Variants in LPGAT1 observed in about 807,000 individuals in gnomAD.
The protein encoded by LPGAT1 is lysophosphatidylglycerol acyltransferase 1.
Under a neutral mutation model 47.5 loss-of-function variants are expected in LPGAT1, and 11 were observed. That is an observed-to-expected ratio of 0.23 (90% CI 0.15 to 0.38). The LOEUF (loss-of-function observed/expected upper bound fraction) is 0.38, where lower values mean the gene tolerates loss of function less well. Among genes scored for constraint, LPGAT1 ranks in the 10% least tolerant of loss-of-function variants. LPGAT1 has a pLI of 1.00. For missense variants in LPGAT1, 293 were observed against 439.0 expected (o/e 0.67, Z 2.97); for synonymous variants, 138 against 144.2 (o/e 0.96, Z 0.31).
chr1:211,829,829 C>A, intron 1 of LPGAT1: 1 of 985,604 alleles, frequency 1.0e-6, no homozygotes, highest in Non-Finnish European at 1.2e-6. Context: ...GAAGAGTTAC[C>A]CTCAAAATTC....
chr1:211,810,048 C>T (rs750694002), intron 2 of LPGAT1, among the ~76,000 whole-genome samples: 1 of 151,622 alleles, frequency 6.6e-6, no homozygotes, highest in Non-Finnish European at 1.5e-5. Flanking sequence ...AATGTAGAGC[C>T]GGAAAGGAAT....
At chr1:211,760,146 T>G (rs371099467) in intron 6 of LPGAT1, among the ~76,000 whole-genome samples, 1 of 152,198 alleles carries the variant, frequency 6.6e-6, no homozygotes, top group East Asian at 1.9e-4. Flanking sequence ...TGGAAATCCA[T>G]CCATGAAGTC....
At chr1:211,796,139 TCTTAC>T (rs1659341979) in intron 2 of LPGAT1, among the ~76,000 whole-genome samples, 1 of 151,972 alleles carries the variant, frequency 6.6e-6, no homozygotes, top group African/African-American at 2.4e-5. Context: ...ATAAAATATA[TCTTAC>T]CTGTTTGCTT....
rs775152216 is a variant in LPGAT1 at position 211,750,094 on chromosome 1, T to C, written c.962-44A>G. ...ATATTAGTTTGTTTTACTGTAATGG[T>C]AGGTCTCCTGGAATAAAAGTTGAAT... On this transcript the variant is annotated intron_variant, in intron 7 of 7. Coordinates refer to ENST00000366997, the MANE Select transcript of LPGAT1 (RefSeq NM_014873.3). 19 of 1,550,936 alleles carry C rather than the reference T, an allele frequency of 1.2e-5. No homozygotes were observed. In the South Asian group the frequency reaches 2.1e-4, roughly 18 times the overall value.
chr1:211,777,738 G>A (rs992010862), intron 6 of LPGAT1, among the ~76,000 whole-genome samples: 1 of 152,122 alleles, frequency 6.6e-6, no homozygotes, highest in Non-Finnish European at 1.5e-5. Flanking sequence ...TCTATCACAG[G>A]TGTGTGAACC....
At chr1:211,826,794 A>C (rs193139575) in intron 2 of LPGAT1, among the ~76,000 whole-genome samples, 2 of 152,314 alleles carry the variant, frequency 1.3e-5, no homozygotes, top group Non-Finnish European at 2.9e-5. Context: ...TTATTCTAAA[A>C]CATGAACATA....
intron 5 of LPGAT1, among the ~76,000 whole-genome samples, chr1:211,781,385 T>A (rs953588282): frequency 6.6e-6 from 1 of 152,248 alleles, no homozygotes; most frequent in African/African-American, 2.4e-5. Flanking sequence ...TCTTTATTAG[T>A]GCAACTAATC....
Position 211,745,494 on chromosome 1 carries a change from A to G in LPGAT1, c.*4405T>C, listed in dbSNP as rs1223854819. 3 of 152,246 alleles carry G rather than the reference A, an allele frequency of 2.0e-5. No homozygotes were observed. Among genetic ancestry groups the G allele is most frequent in the Middle Eastern group, 6.3e-3 (2 of 316 alleles). The allele number at this position is 152,246 out of a possible 1,614,324, so 9.4% of individuals were successfully genotyped here. A position where few individuals can be genotyped will look rare whatever the true frequency, so the allele number is the denominator to read the frequency against. On this transcript the variant is annotated 3_prime_UTR_variant, in exon 8 of 8. Transcript: ENST00000366997. ...CACAATAAAAATAAAGCCATTCAAG[A>G]TATGTGTGCATACTTTGCAACTAGA...
At chr1:211,806,477 G>A (rs915274562) in intron 2 of LPGAT1, among the ~76,000 whole-genome samples, 13 of 151,948 alleles carry the variant, frequency 8.6e-5, no homozygotes, top group South Asian at 4.1e-4. Flanking sequence ...CATTGGATAT[G>A]CACAGACACA....
At chr1:211,827,470 A>C (rs12139319) in intron 2 of LPGAT1, among the ~76,000 whole-genome samples, 12,617 of 152,338 alleles carry the variant, frequency 0.083, 652 homozygotes, top group Admixed American at 0.15. Context: ...CTAACAATTA[A>C]ATACACTATA....
intron 2 of LPGAT1, among the ~76,000 whole-genome samples, chr1:211,822,882 T>C (rs997428299): frequency 6.6e-6 from 1 of 152,200 alleles, no homozygotes; most frequent in African/African-American, 2.4e-5. Flanking sequence ...CCAGTGGAGT[T>C]TTTGTTCTCC....
Position 211,750,068 on chromosome 1 carries a change from A to T in LPGAT1, c.962-18T>A. On this transcript the variant is annotated intron_variant, in intron 7 of 7. Transcript: ENST00000366997. ...AAAAGCTCCTAAAAGACAAGATAGA[A>T]ATATTAGTTTGTTTTACTGTAATGG... The T allele has an allele frequency of 1.2e-6, 2 of 1,607,798 alleles. No individual in the cohort carries two copies. The highest frequency in any genetic ancestry group is 2.2e-5 in the South Asian group (2 of 90,350).
At chr1:211,817,509 T>G (rs565352089) in intron 2 of LPGAT1, among the ~76,000 whole-genome samples, 13 of 150,892 alleles carry the variant, frequency 8.6e-5, no homozygotes, top group African/African-American at 2.9e-4. Context: ...AGGTGGAGGT[T>G]GCAGTGAGCC....
chr1:211,820,936 T>C (rs1300690529), intron 2 of LPGAT1, among the ~76,000 whole-genome samples: 3 of 151,988 alleles, frequency 2.0e-5, no homozygotes, highest in African/African-American at 7.3e-5. Context: ...AAAGGGAGAA[T>C]CCCTTTGGGC....
intron 4 of LPGAT1, among the ~76,000 whole-genome samples, chr1:211,784,377 G>C (rs1658762647): frequency 6.6e-6 from 1 of 151,804 alleles, no homozygotes; most frequent in South Asian, 2.1e-4. Context: ...AGTGGTCCCA[G>C]CTACTCAGGA....
chr1:211,785,798 G>A (rs144523857), intron 4 of LPGAT1, among the ~76,000 whole-genome samples: 2 of 151,986 alleles, frequency 1.3e-5, no homozygotes, highest in East Asian at 3.9e-4. Context: ...GTAGAAACAG[G>A]CCTTCACCAT....
At chr1:211,800,597 T>C (rs929283405) in intron 2 of LPGAT1, among the ~76,000 whole-genome samples, 6 of 152,228 alleles carry the variant, frequency 3.9e-5, no homozygotes, top group South Asian at 2.1e-4. Context: ...GGGGAGCTAG[T>C]GGCATTTTGG....
chr1:211,809,041 C>CA (rs879579584), intron 2 of LPGAT1, among the ~76,000 whole-genome samples: 1,833 of 132,306 alleles, frequency 0.014, 13 homozygotes, highest in Middle Eastern at 0.043. Context: ...ACTAAAAATA[C>CA]AAAAAAAAAA....
In LPGAT1 at chr1:211,749,858, T is replaced by C. The variant is rs183215427; in HGVS notation, c.*41A>G. On this transcript the variant is annotated 3_prime_UTR_variant, in exon 8 of 8. Transcript: ENST00000366997. Reference sequence around the variant, plus strand: ...AATAATGCACACTTATGAAAGAAAGTCTGAACTCCTACGGTGACCTTGACA... The same window carrying C: ...AATAATGCACACTTATGAAAGAAAGCCTGAACTCCTACGGTGACCTTGACA... 112 of 1,598,358 alleles carry C rather than the reference T, an allele frequency of 7.0e-5. No homozygotes were observed. The African/African-American group carries it at 1.2e-3, about 17-fold the overall frequency.
Sources: allele counts gnomAD v4.1 joint callset (sites outside exome capture counted in the v4.1 genomes callset), GRCh38; gene constraint gnomAD v4.1.1; transcripts MANE v1.5; gene names NCBI Gene and HGNC (gene_info 2026-07-23, HGNC 2026-07-21).